Variants in RFX2 observed in about 807,000 individuals in gnomAD.
RFX2 encodes the protein regulatory factor X2, also known as DNA-binding protein RFX2.
A neutral mutation model predicts 87.8 loss-of-function variants in RFX2; 20 were observed. The ratio of observed to expected loss-of-function variants is 0.23; its 90% confidence interval spans 0.16 to 0.33. RFX2 has a LOEUF of 0.33. RFX2 is among the 10% of genes least tolerant of loss of function. The pLI is 1.00. For missense variants in RFX2, 767 were observed against 1,012.3 expected (o/e 0.76, Z 3.29); for synonymous variants, 397 against 431.3 (o/e 0.92, Z 0.98).
chr19:6,035,813 G>A (rs1213331765), intron 5 of RFX2, among the ~76,000 whole-genome samples: 1 of 151,340 alleles, frequency 6.6e-6, no homozygotes, highest in Non-Finnish European at 1.5e-5. Flanking sequence ...AATCAGATTC[G>A]TATCCAAGAT....
In RFX2 at chr19:6,050,388, C is replaced by T. The variant is rs781729517; in HGVS notation, c.-8-2884G>A. Among the ~76,000 whole-genome samples the T allele has an allele frequency of 5.3e-5, 8 of 152,232 alleles. No individual in the cohort carries two copies. Among genetic ancestry groups the T allele is most frequent in the African/African-American group, 1.2e-4 (5 of 41,530 alleles). On this transcript the variant is annotated intron_variant, in intron 1 of 17. Coordinates refer to ENST00000303657, the MANE Select transcript of RFX2 (RefSeq NM_000635.4). This position sits in a 1 kb window ranked among gnomAD's most constrained non-coding sequence, Gnocchi z 4.6. ...AGAAAAGCAGTTAATTATAACCAAACGCAAGATAACCCAGATGATACAGAT... is the reference window on the plus strand; with the variant it reads ...AGAAAAGCAGTTAATTATAACCAAATGCAAGATAACCCAGATGATACAGAT...
intron 17 of RFX2, 42 bp downstream of exon 17, chr19:5,995,559 C>A: frequency 2.6e-6 from 4 of 1,546,650 alleles, no homozygotes; most frequent in Non-Finnish European, 3.5e-6. Context: ...GAGTACCACC[C>A]TCCTGGGAGG....
Position 6,010,915 on chromosome 19 carries a change from G to A in RFX2, c.900-664C>T, listed in dbSNP as rs1355854373. 2.6e-5 allele frequency among the ~76,000 whole-genome samples: 4 copies of A among 152,100 alleles called. No individual in the cohort carries two copies. Among genetic ancestry groups the A allele is most frequent in the African/African-American group, 7.2e-5 (3 of 41,420 alleles). On this transcript the variant is annotated intron_variant, in intron 8 of 17. Transcript: ENST00000303657. The surrounding 1 kb of genome is among the most constrained non-coding windows in gnomAD (Gnocchi z 5.0). ...GTGGATCATCTGAGGTCGGGAGTTC[G>A]AGACCAGCCTGACCAACATGGAGTA...
chr19:6,013,496 T>C lies in RFX2; in HGVS notation c.780-391A>G, dbSNP rs76386811. On this transcript the variant is annotated intron_variant, in intron 7 of 17. Coordinates refer to ENST00000303657, the MANE Select transcript of RFX2 (RefSeq NM_000635.4). The surrounding 1 kb of genome is among the most constrained non-coding windows in gnomAD (Gnocchi z 4.1). ...CCACTGCGCCTGGCCTCTTCTCTCTTTTTTTTTTTTTTCAGAAACAGGGTC... is the reference window on the plus strand; with the variant it reads ...CCACTGCGCCTGGCCTCTTCTCTCTCTTTTTTTTTTTTCAGAAACAGGGTC... Among the ~76,000 whole-genome samples the C allele has an allele frequency of 4.1e-5, 6 of 147,452 alleles. No individual in the cohort carries two copies. The highest frequency in any genetic ancestry group is 2.7e-4 in the Admixed American group (4 of 14,906).
At chr19:6,088,767 T>C (rs1366062026) in intron 1 of RFX2, among the ~76,000 whole-genome samples, 1 of 152,202 alleles carries the variant, frequency 6.6e-6, no homozygotes, top group Non-Finnish European at 1.5e-5. Context: ...AGCCAAGTAA[T>C]GTGCGTTAGA....
chr19:6,108,744 C>T (rs1432003572), intron 1 of RFX2, among the ~76,000 whole-genome samples: 2 of 152,176 alleles, frequency 1.3e-5, no homozygotes, highest in Non-Finnish European at 2.9e-5. Flanking sequence ...GGGTCCCGAG[C>T]TCCATCTTGC....
At chr19:6,088,438 C>T (rs1386204341) in intron 1 of RFX2, among the ~76,000 whole-genome samples, 1 of 151,832 alleles carries the variant, frequency 6.6e-6, no homozygotes, top group Non-Finnish European at 1.5e-5. Context: ...CTCGAACTCT[C>T]GACCTCAGGT....
Position 6,004,361 on chromosome 19 carries a change from C to T in RFX2, c.1403-63G>A, listed in dbSNP as rs2086547140. 2 of 1,379,912 alleles carry T rather than the reference C, an allele frequency of 1.4e-6. No homozygotes were observed. The highest frequency in any genetic ancestry group is 4.6e-5 in the East Asian group (2 of 43,650). The allele number at this position is 1,379,912 out of a possible 1,614,324, so 85.5% of individuals were successfully genotyped here. On this transcript the variant is annotated intron_variant, in intron 12 of 17. Coordinates refer to ENST00000303657, the MANE Select transcript of RFX2 (RefSeq NM_000635.4). This position sits in a 1 kb window ranked among gnomAD's most constrained non-coding sequence, Gnocchi z 4.8. ...GCAGTGACTGGACCCTGGAAATCAGCATTCAGTGTAAGAGCTGGCCCAAGT... is the reference window on the plus strand; with the variant it reads ...GCAGTGACTGGACCCTGGAAATCAGTATTCAGTGTAAGAGCTGGCCCAAGT...
At chr19:6,018,556 G>A (rs777382219) in intron 6 of RFX2, among the ~76,000 whole-genome samples, 25 of 152,208 alleles carry the variant, frequency 1.6e-4, no homozygotes, top group Non-Finnish European at 3.4e-4. Flanking sequence ...GAGCTGCGGG[G>A]CTGAGTTCCA....
rs2086555878 is a variant in RFX2, at chr19:6,004,813, A to C, written c.1403-515T>G. 2.0e-5 allele frequency among the ~76,000 whole-genome samples: 3 copies of C among 151,934 alleles called. No homozygotes were observed. The highest frequency in any genetic ancestry group is 2.1e-4 in the South Asian group (1 of 4,820). On this transcript the variant is annotated intron_variant, in intron 12 of 17. Transcript: ENST00000303657. The surrounding 1 kb of genome is among the most constrained non-coding windows in gnomAD (Gnocchi z 4.8). Reference sequence around the variant, plus strand: ...TGATCAGACTGTTAAAAAAAAAAAAAACCAAAAAACAAAAACAGAAAAAGG... The same window carrying C: ...TGATCAGACTGTTAAAAAAAAAAAACACCAAAAAACAAAAACAGAAAAAGG...
At chr19:6,042,256 C>T (rs766896962) in intron 3 of RFX2, 133 bp from the exon 4 acceptor site, 19 of 761,676 alleles carry the variant, frequency 2.5e-5, no homozygotes, top group South Asian at 1.4e-4. Context: ...CGCCCACAGT[C>T]GGCACGCCTA....
intron 2 of RFX2, among the ~76,000 whole-genome samples, chr19:6,046,136 T>G (rs2087186764): frequency 6.6e-6 from 1 of 152,262 alleles, no homozygotes; most frequent in Non-Finnish European, 1.5e-5. Context: ...GCCATTCGCT[T>G]TGTATTTCTG....
chr19:6,079,817 C>T (rs1486219806), intron 1 of RFX2, among the ~76,000 whole-genome samples: 2 of 149,328 alleles, frequency 1.3e-5, no homozygotes, highest in African/African-American at 2.5e-5. Context: ...ACCAGGGAGC[C>T]GGAGGTTGCA....
intron 1 of RFX2, among the ~76,000 whole-genome samples, chr19:6,075,653 C>G (rs768417522): frequency 9.1e-4 from 138 of 152,118 alleles, no homozygotes; most frequent in Non-Finnish European, 1.7e-3. Context: ...TGGGGAAGCC[C>G]GTGGTCTGGG....
At chr19:6,046,288 T>C (rs1348674212) in intron 2 of RFX2, among the ~76,000 whole-genome samples, 1 of 152,192 alleles carries the variant, frequency 6.6e-6, no homozygotes, top group Non-Finnish European at 1.5e-5. Context: ...TTAAGAATTC[T>C]AACTCATCTA....
chr19:6,066,833 G>A (rs1308360085), intron 1 of RFX2, among the ~76,000 whole-genome samples: 2 of 152,278 alleles, frequency 1.3e-5, no homozygotes, highest in African/African-American at 2.4e-5. Context: ...GTCCACTCCC[G>A]TTTCCAAGAG....
intron 1 of RFX2, among the ~76,000 whole-genome samples, chr19:6,107,262 C>T (rs1599941581): frequency 6.6e-6 from 1 of 151,578 alleles, no homozygotes; most frequent in Non-Finnish European, 1.5e-5. Flanking sequence ...TGCCACTGCA[C>T]TCCAGCCTGG....
At chr19:6,008,475 C>A (rs10402257) in intron 9 of RFX2, among the ~76,000 whole-genome samples, 11 of 144,736 alleles carry the variant, frequency 7.6e-5, no homozygotes, top group African/African-American at 1.5e-4. Flanking sequence ...TGGGATCAAG[C>A]GATTCTTCTG....
rs1210119947 is a variant in RFX2, at chr19:5,998,762, G to A, written c.1860-1549C>T. Among the ~76,000 whole-genome samples the A allele has an allele frequency of 2.0e-5, 3 of 152,276 alleles. No individual in the cohort carries two copies. The highest frequency in any genetic ancestry group is 6.5e-5 in the Admixed American group (1 of 15,290). On this transcript the variant is annotated intron_variant, in intron 15 of 17. Coordinates refer to ENST00000303657, the MANE Select transcript of RFX2 (RefSeq NM_000635.4). This position sits in a 1 kb window ranked among gnomAD's most constrained non-coding sequence, Gnocchi z 4.2. ...CAGAACATCGCCTGCGGTCACCCCG[G>A]TATCTCTGGGTTCCCAAATGGGCTC...
Sources: allele counts gnomAD v4.1 joint callset (sites outside exome capture counted in the v4.1 genomes callset), GRCh38; gene constraint gnomAD v4.1.1; non-coding constraint Gnocchi (gnomAD v3.1); transcripts MANE v1.5; gene names NCBI Gene and HGNC (gene_info 2026-07-23, HGNC 2026-07-21).